The following KIAA1217 variants were observed in gnomAD, a reference collection of about 807,000 sequenced individuals.
KIAA1217 encodes sickle tail protein homolog.
Under a neutral mutation model 163.9 loss-of-function variants are expected in KIAA1217, and 88 were observed. The observed-to-expected ratio is 0.54, with a 90% CI of 0.45 to 0.64. KIAA1217 has a LOEUF of 0.64. KIAA1217 is among the 30% of genes least tolerant of loss of function. The pLI, the probability that KIAA1217 is intolerant of heterozygous loss-of-function variation, is 0.00. For missense variants in KIAA1217, 2,372 were observed against 2,475.0 expected (o/e 0.96, Z 0.88); for synonymous variants, 903 against 923.1 (o/e 0.98, Z 0.39).
intron 1 of KIAA1217, among the ~76,000 whole-genome samples, chr10:23,735,590 C>A (rs531652405): frequency 6.6e-6 from 1 of 151,904 alleles, no homozygotes; most frequent in Non-Finnish European, 1.5e-5. Context: ...GGTCCCTTAT[C>A]TGTGAAATGC....
chr10:24,386,305 G>A (rs6482389), intron 3 of KIAA1217, among the ~76,000 whole-genome samples: 78,491 of 152,014 alleles, frequency 0.52, 22,840 homozygotes, highest in African/African-American at 0.8. Flanking sequence ...TTGAATATCT[G>A]TGTGGCTGTT....
intron 5 of KIAA1217, among the ~76,000 whole-genome samples, chr10:24,455,325 A>G (rs2061684494): frequency 6.6e-6 from 1 of 152,218 alleles, no homozygotes; most frequent in Non-Finnish European, 1.5e-5. Flanking sequence ...ATATAATTTT[A>G]TATTTTAAAT....
intron 3 of KIAA1217, among the ~76,000 whole-genome samples, chr10:24,390,498 A>C (rs58751102): frequency 0.28 from 38,094 of 135,782 alleles, 5,964 homozygotes; most frequent in African/African-American, 0.36. Context: ...GGAAGGAAGG[A>C]AGGAAGGAAG....
At chr10:24,335,098 G>A (rs2046175493) in intron 2 of KIAA1217, among the ~76,000 whole-genome samples, 1 of 152,074 alleles carries the variant, frequency 6.6e-6, no homozygotes, top group South Asian at 2.1e-4. Context: ...ACTAATACAT[G>A]CTACAACATG....
intron 1 of KIAA1217, among the ~76,000 whole-genome samples, chr10:23,708,228 C>G (rs1837015386): frequency 6.6e-6 from 1 of 152,136 alleles, no homozygotes; most frequent in Non-Finnish European, 1.5e-5. Flanking sequence ...GAAACCACCT[C>G]CGTGATTCCA....
At chr10:24,467,536 T>C (rs1194834318) in intron 5 of KIAA1217, among the ~76,000 whole-genome samples, 1 of 152,220 alleles carries the variant, frequency 6.6e-6, no homozygotes, top group Non-Finnish European at 1.5e-5. Flanking sequence ...TTATCTGTGT[T>C]GTATTCAGAT....
chr10:24,495,201 G>GT lies in KIAA1217; in HGVS notation c.1834+6dup. On this transcript the variant is annotated splice_donor_region_variant and intron_variant, in intron 8 of 20. Coordinates refer to ENST00000376454, the MANE Select transcript of KIAA1217 (RefSeq NM_019590.5). Reference sequence around the variant, plus strand: ...GGAACCACACAGATAGTGCAGGTAAGTAAGTGTTTTTGGAGCTGTAGGAGG... The same window carrying GT: ...GGAACCACACAGATAGTGCAGGTAAGTTAAGTGTTTTTGGAGCTGTAGGAGG... The GT allele has an allele frequency of 6.2e-7, 1 of 1,611,364 alleles. No individual in the cohort carries two copies. The highest frequency in any genetic ancestry group is 8.5e-7 in the Non-Finnish European group (1 of 1,179,030).
At chr10:23,827,298 G>A (rs1470242023) in intron 1 of KIAA1217, among the ~76,000 whole-genome samples, 3 of 152,188 alleles carry the variant, frequency 2.0e-5, no homozygotes, top group South Asian at 4.1e-4. Flanking sequence ...ACTGGCCTAA[G>A]GAAGAGCCTG....
chr10:24,158,559 T>C (rs1280190983), intron 2 of KIAA1217: 4 of 507,788 alleles, frequency 7.9e-6, no homozygotes, highest in Admixed American at 2.1e-5. Context: ...AATCCTGTAT[T>C]GACTAAACTG....
intron 2 of KIAA1217, among the ~76,000 whole-genome samples, chr10:24,099,233 G>A (rs1054035996): frequency 2.0e-5 from 3 of 149,062 alleles, no homozygotes; most frequent in African/African-American, 7.4e-5. Flanking sequence ...TGTGCACAAC[G>A]TGCAGGTTTG....
At chr10:23,981,883 A>T (rs1845780690) in intron 1 of KIAA1217, among the ~76,000 whole-genome samples, 1 of 152,092 alleles carries the variant, frequency 6.6e-6, no homozygotes, top group Non-Finnish European at 1.5e-5. Context: ...GAAAATTAGT[A>T]CAGCTGAGTT....
chr10:23,828,998 C>T (rs1369440059), intron 1 of KIAA1217, among the ~76,000 whole-genome samples: 2 of 152,104 alleles, frequency 1.3e-5, no homozygotes, highest in Non-Finnish European at 2.9e-5. Flanking sequence ...AAAGATATTA[C>T]CCTCTTACTT....
At chr10:23,715,344 T>G (rs1460565897) in intron 1 of KIAA1217, among the ~76,000 whole-genome samples, 2 of 152,198 alleles carry the variant, frequency 1.3e-5, no homozygotes, top group Non-Finnish European at 2.9e-5. Context: ...CCAACACTTG[T>G]TAAGCCAATG....
chr10:24,449,649 A>G (rs1252903079), intron 5 of KIAA1217: 2 of 985,320 alleles, frequency 2.0e-6, no homozygotes, highest in African/African-American at 1.7e-5. Flanking sequence ...CAAGGCTTGC[A>G]TTTAGTCACC....
intron 1 of KIAA1217, among the ~76,000 whole-genome samples, chr10:23,795,837 A>G (rs1350020438): frequency 6.6e-6 from 1 of 152,208 alleles, no homozygotes; most frequent in African/African-American, 2.4e-5. Flanking sequence ...TTGCTATAAA[A>G]CAACTCAAGA....
At chr10:23,793,382 G>A (rs1469597558) in intron 1 of KIAA1217, among the ~76,000 whole-genome samples, 1 of 152,184 alleles carries the variant, frequency 6.6e-6, no homozygotes, top group African/African-American at 2.4e-5. Flanking sequence ...ATTATTCCAT[G>A]TCACTGATGG....
intron 3 of KIAA1217, among the ~76,000 whole-genome samples, chr10:24,417,271 T>TGA (rs2058330736): frequency 6.6e-6 from 1 of 152,186 alleles, no homozygotes; most frequent in African/African-American, 2.4e-5. Flanking sequence ...GAACAGCTGC[T>TGA]GAGAGCCTGC....
At chr10:24,524,188 T>C (rs572398527) in intron 12 of KIAA1217, 135 bp from the exon 13 acceptor site, 325 of 801,614 alleles carry the variant, frequency 4.1e-4, no homozygotes, top group Non-Finnish European at 6.0e-4. Flanking sequence ...GATATGTCTA[T>C]ACATGTCCCT....
At chr10:24,293,200 G>A (rs572568416) in intron 2 of KIAA1217, among the ~76,000 whole-genome samples, 4 of 152,090 alleles carry the variant, frequency 2.6e-5, no homozygotes, top group African/African-American at 4.8e-5. Context: ...GTGCCACCAT[G>A]CCCGGCTAAT....
Sources: gnomAD v4.1 joint callset for allele counts (sites outside exome capture counted in the v4.1 genomes callset) on GRCh38, gnomAD v4.1.1 for gene constraint, MANE v1.5 for transcripts, NCBI Gene and HGNC (gene_info 2026-07-23, HGNC 2026-07-21) for gene names.